Variants in PABPC4L observed in about 807,000 individuals in gnomAD.
PABPC4L encodes the protein poly(A) binding protein cytoplasmic 4 like.
For missense variants in PABPC4L, 452 were observed against 451.4 expected (o/e 1.00, Z -0.01); for synonymous variants, 169 against 164.1 (o/e 1.03, Z -0.23).
At chr4:134,078,819 A>AT in the PABPC4L span, among the ~76,000 whole-genome samples, 1,348 of 148,852 alleles carry the variant, frequency 9.1e-3, 25 homozygotes, top group African/African-American at 0.031. Context: ...TGCCTGGCTA[A>AT]TTTTTTTTTC....
the PABPC4L span, among the ~76,000 whole-genome samples, chr4:134,116,085 C>T: frequency 2.6e-5 from 4 of 151,748 alleles, no homozygotes; most frequent in African/African-American, 9.7e-5. Context: ...GAGAGGGTCC[C>T]ACTTTCAGAA....
At chr4:134,178,527 TG>T in the PABPC4L span, among the ~76,000 whole-genome samples, 1 of 152,038 alleles carries the variant, frequency 6.6e-6, no homozygotes, top group Non-Finnish European at 1.5e-5. Flanking sequence ...TCACCAGCAA[TG>T]GTTCTTAACC....
chr4:134,036,072 A>AG, the PABPC4L span, among the ~76,000 whole-genome samples: 2 of 152,110 alleles, frequency 1.3e-5, no homozygotes, highest in South Asian at 4.1e-4. Flanking sequence ...ATTCAAGATG[A>AG]GGTTTGGGTG....
At chr4:134,087,078 T>A in the PABPC4L span, among the ~76,000 whole-genome samples, 4 of 151,980 alleles carry the variant, frequency 2.6e-5, no homozygotes, top group Admixed American at 2.6e-4. Context: ...TTGCGATAGT[T>A]TACTGATACC....
the PABPC4L span, among the ~76,000 whole-genome samples, chr4:133,974,026 T>G: frequency 6.6e-6 from 1 of 152,058 alleles, no homozygotes; most frequent in East Asian, 1.9e-4. Flanking sequence ...CTAAATCTAA[T>G]AATGTAAGGA....
At chr4:134,146,952 G>A in the PABPC4L span, among the ~76,000 whole-genome samples, 1 of 152,010 alleles carries the variant, frequency 6.6e-6, no homozygotes, top group East Asian at 1.9e-4. Context: ...AGTTTCACTG[G>A]GGTCCCAGTC....
chr4:134,033,905 T>C, the PABPC4L span, among the ~76,000 whole-genome samples: 2 of 152,016 alleles, frequency 1.3e-5, no homozygotes, highest in East Asian at 3.9e-4. Flanking sequence ...CCAGAAGATC[T>C]AGCTAAGATA....
At chr4:133,948,692 G>A in the PABPC4L span, among the ~76,000 whole-genome samples, 2 of 152,080 alleles carry the variant, frequency 1.3e-5, no homozygotes, top group South Asian at 2.1e-4. Flanking sequence ...CATTCTTTTC[G>A]AATTGGTATT....
At chr4:134,005,566 T>C in the PABPC4L span, among the ~76,000 whole-genome samples, 2 of 151,870 alleles carry the variant, frequency 1.3e-5, no homozygotes, top group Admixed American at 1.3e-4. Context: ...CATAGTTATG[T>C]TGCTTACAGC....
At chr4:134,156,932 A>T in the PABPC4L span, among the ~76,000 whole-genome samples, 1 of 151,862 alleles carries the variant, frequency 6.6e-6, no homozygotes, top group East Asian at 1.9e-4. Context: ...TTTAGGTGAC[A>T]ATTCCCTCAA....
chr4:133,962,159 G>C, the PABPC4L span, among the ~76,000 whole-genome samples: 1 of 152,156 alleles, frequency 6.6e-6, no homozygotes, highest in Non-Finnish European at 1.5e-5. Context: ...CCTTCCCTCT[G>C]ACAGAGTTAA....
At chr4:134,175,598 G>A in the PABPC4L span, among the ~76,000 whole-genome samples, 1 of 151,958 alleles carries the variant, frequency 6.6e-6, no homozygotes, top group Non-Finnish European at 1.5e-5. Context: ...ACAGGCATGT[G>A]CCATCACGTC....
At chr4:134,178,820 G>A in the PABPC4L span, among the ~76,000 whole-genome samples, 10 of 152,008 alleles carry the variant, frequency 6.6e-5, no homozygotes, top group Admixed American at 3.9e-4. Context: ...CTGATCCTTT[G>A]AAATAACTCA....
chr4:134,096,868 T>G, the PABPC4L span, among the ~76,000 whole-genome samples: 1 of 152,114 alleles, frequency 6.6e-6, no homozygotes, highest in East Asian at 1.9e-4. Flanking sequence ...TATATTCTTA[T>G]GCAGATTATG....
At chr4:134,133,642 A>G in the PABPC4L span, among the ~76,000 whole-genome samples, 5 of 151,624 alleles carry the variant, frequency 3.3e-5, no homozygotes. Context: ...AGCTATGAGG[A>G]CGCAATGGCA....
chr4:134,019,203 AT>A, the PABPC4L span, among the ~76,000 whole-genome samples: 1 of 151,976 alleles, frequency 6.6e-6, no homozygotes, highest in Non-Finnish European at 1.5e-5. Flanking sequence ...CTAACTCATA[AT>A]TTCAATATTG....
the PABPC4L span, among the ~76,000 whole-genome samples, chr4:134,123,191 C>T: frequency 6.6e-6 from 1 of 151,936 alleles, no homozygotes; most frequent in Non-Finnish European, 1.5e-5. Flanking sequence ...TCATGGCCCA[C>T]AGCACTATCA....
At chr4:134,195,750 T>C (rs1729635169), downstream of PABPC4L, among the ~76,000 whole-genome samples, 2 of 151,638 alleles carry the variant, frequency 1.3e-5, no homozygotes, top group Non-Finnish European at 1.5e-5. Flanking sequence ...AACTCCAAAA[T>C]ATGACAAGAC....
chr4:134,038,576 C>A, the PABPC4L span, among the ~76,000 whole-genome samples: 1 of 152,002 alleles, frequency 6.6e-6, no homozygotes, highest in Non-Finnish European at 1.5e-5. Context: ...AGGAATTTAT[C>A]CATTTCTTCT....
Sources: gnomAD v4.1 joint callset for allele counts (sites outside exome capture counted in the v4.1 genomes callset) on GRCh38, gnomAD v4.1.1 for gene constraint, MANE v1.5 for transcripts, NCBI Gene and HGNC (gene_info 2026-07-23, HGNC 2026-07-21) for gene names.